SDK1: variants seen among roughly 807,000 people sequenced by gnomAD.
The protein encoded by SDK1 is protein sidekick-1.
A neutral mutation model predicts 245.5 loss-of-function variants in SDK1; 157 were observed. The ratio of observed to expected loss-of-function variants is 0.64; its 90% CI spans 0.56 to 0.73. The LOEUF (loss-of-function observed/expected upper bound fraction) is 0.73. Ranked by LOEUF, SDK1 falls within the 30% of genes least tolerant of loss-of-function variation. SDK1 has a pLI of 0.00. For missense variants in SDK1, 3,583 were observed against 3,002.3 expected, an observed-to-expected ratio of 1.19 and a Z score of -4.52; for synonymous variants, 1,647 against 1,278.5, an observed-to-expected ratio of 1.29 and a Z score of -6.15.
At chr7:3,759,402 A>G (rs966426551) in intron 4 of SDK1, among the ~76,000 whole-genome samples, 1 of 152,140 alleles carries the variant, frequency 6.6e-6, no homozygotes, top group African/African-American at 2.4e-5. Context: ...GCCATGTCCT[A>G]TAAGAAAAAA....
chr7:4,145,999 C>G (rs1779947909), intron 29 of SDK1, 83 bp downstream of exon 29: 16 of 1,269,952 alleles, frequency 1.3e-5, no homozygotes, highest in Non-Finnish European at 1.7e-5. Flanking sequence ...CTGCGGGGTA[C>G]CTGGGAGGCT....
chr7:4,145,555 C>G (rs1175679494), intron 28 of SDK1, among the ~76,000 whole-genome samples, 167 bp from the exon 29 acceptor site: 1 of 152,120 alleles, frequency 6.6e-6, no homozygotes, highest in South Asian at 2.1e-4. Flanking sequence ...GGGGCCCCAC[C>G]ATTCATCACA....
chr7:3,821,532 G>C lies in SDK1; in HGVS notation c.796G>C (p.Glu266Gln), dbSNP rs1327831838. 6.2e-7 allele frequency: 1 copy of C among 1,613,638 alleles called. No individual in the cohort carries two copies. Among genetic ancestry groups the C allele is most frequent in the Non-Finnish European group, 8.5e-7 (1 of 1,179,838 alleles). The change falls in exon 5 of 45, where the codon GAG becomes CAG. Residue 266 changes from glutamate to glutamine, a missense_variant. Glu to Gln is a conservative substitution (Grantham distance 29, BLOSUM62 2). Coordinates refer to ENST00000404826, the MANE Select transcript of SDK1 (RefSeq NM_152744.4). Reference sequence around the variant, plus strand: ...GGCATACTACGTGCAGGCCGTGAATGAGAAAAATGGAGAAAACAAGACAAG... The same window carrying C: ...GGCATACTACGTGCAGGCCGTGAATCAGAAAAATGGAGAAAACAAGACAAG... ...AGAYYVQAVN[E>Q]KNGENKTSPF...
At chr7:3,302,031 T>TC in intron 1 of SDK1, 147 bp downstream of exon 1, 1 of 487,584 alleles carries the variant, frequency 2.1e-6, no homozygotes, top group Non-Finnish European at 2.8e-6. Context: ...GCCCAGGGGC[T>TC]CCTCCACGCC....
chr7:3,878,869 C>G (rs1021738600), intron 5 of SDK1, among the ~76,000 whole-genome samples: 3 of 152,028 alleles, frequency 2.0e-5, no homozygotes, highest in African/African-American at 7.3e-5. Context: ...CATGCATACA[C>G]AAAAGTATAC....
intron 4 of SDK1, among the ~76,000 whole-genome samples, chr7:3,663,287 A>T (rs980886519): frequency 2.0e-5 from 3 of 152,200 alleles, no homozygotes; most frequent in Non-Finnish European, 4.4e-5. Context: ...ATGAACATCC[A>T]TGTTTTTGTT....
chr7:4,162,214 A>C (rs1429483746), intron 32 of SDK1, among the ~76,000 whole-genome samples: 1 of 152,000 alleles, frequency 6.6e-6, no homozygotes, highest in African/African-American at 2.4e-5. Flanking sequence ...TGTATACACA[A>C]ATTGGTTATC....
At chr7:3,733,494 G>A (rs1008610978) in intron 4 of SDK1, among the ~76,000 whole-genome samples, 3 of 152,152 alleles carry the variant, frequency 2.0e-5, no homozygotes, top group Admixed American at 6.5e-5. Flanking sequence ...GTTACAAGTT[G>A]CCCTGCTCTG....
At chr7:3,656,232 T>C (rs190472609) in intron 4 of SDK1, among the ~76,000 whole-genome samples, 20 of 152,332 alleles carry the variant, frequency 1.3e-4, no homozygotes, top group Admixed American at 1.3e-3. Context: ...CCATTTGTAA[T>C]GTCCTTGGGA....
intron 35 of SDK1, among the ~76,000 whole-genome samples, chr7:4,182,889 G>A (rs191785218): frequency 6.6e-6 from 1 of 152,338 alleles, no homozygotes; most frequent in Admixed American, 6.5e-5. Context: ...GGCTCCTCCT[G>A]CCTGCAGCAC....
In SDK1 at chr7:4,138,286, C is replaced by T. The variant is rs571327735; in HGVS notation, c.4228+5863C>T. The stretch of plus-strand genomic sequence containing the variant: ...CCCACTGCAAACTCCCCCCTTCCTA[C>T]TTGGGTCCAGCGGCACTGCCACGCA... On this transcript the variant is annotated intron_variant, in intron 28 of 44. Coordinates refer to ENST00000404826, the MANE Select transcript of SDK1 (RefSeq NM_152744.4). Among the ~76,000 whole-genome samples, 14 of 152,310 alleles carry T rather than the reference C, an allele frequency of 9.2e-5. No homozygotes were observed. In the South Asian group the frequency reaches 2.9e-3, roughly 32 times the overall value.
At chr7:3,911,982 A>C (rs1395012947) in intron 5 of SDK1, among the ~76,000 whole-genome samples, 3 of 152,048 alleles carry the variant, frequency 2.0e-5, no homozygotes, top group Admixed American at 2.0e-4. Flanking sequence ...AGGGCATTCT[A>C]GGGAAGGGGC....
intron 20 of SDK1, among the ~76,000 whole-genome samples, chr7:4,070,779 A>T (rs905498863): frequency 6.7e-6 from 1 of 150,288 alleles, no homozygotes; most frequent in African/African-American, 2.5e-5. Context: ...GCACAATCTC[A>T]GCTCACTGCA....
At chr7:3,601,218 G>T (rs1781243461) in intron 1 of SDK1, among the ~76,000 whole-genome samples, 1 of 152,118 alleles carries the variant, frequency 6.6e-6, no homozygotes, top group Admixed American at 6.5e-5. Context: ...TATCAAGGTA[G>T]TAATAGTCTT....
chr7:3,990,395 G>A (rs968581053), intron 14 of SDK1, among the ~76,000 whole-genome samples: 19 of 152,248 alleles, frequency 1.2e-4, no homozygotes, highest in South Asian at 2.1e-4. Context: ...AGAAACCAGC[G>A]TGTGTGCAGA....
intron 4 of SDK1, among the ~76,000 whole-genome samples, chr7:3,763,259 A>G (rs959845050): frequency 6.6e-6 from 1 of 152,022 alleles, no homozygotes; most frequent in Non-Finnish European, 1.5e-5. Flanking sequence ...TTAATATTTC[A>G]GTTTTTAAAA....
chr7:4,262,018 C>CTTTTTT lies in SDK1; in HGVS notation c.6382-3082_6382-3077dup, dbSNP rs34610558. 6.3e-3 allele frequency among the ~76,000 whole-genome samples: 372 copies of CTTTTTT among 59,266 alleles called. 61 individuals carry two copies. Among genetic ancestry groups the CTTTTTT allele is most frequent in the South Asian group, 8.1e-3 (13 of 1,608 alleles). The allele number at this position is 59,266 out of a possible 152,430, so 38.9% of individuals were successfully genotyped here. A position where few individuals can be genotyped will look rare whatever the true frequency, so the allele number is the denominator to read the frequency against. The stretch of plus-strand genomic sequence containing the variant: ...AATCAATTTCACCCTCTGCTTTCTC[C>CTTTTTT]TTTTTTTTTTTTTTTTTTTTTTTTT... On this transcript the variant is annotated intron_variant, in intron 44 of 44. Transcript: ENST00000404826.
chr7:3,488,904 C>CGTGTGTGTGT (rs59773114), intron 1 of SDK1, among the ~76,000 whole-genome samples: 3 of 147,118 alleles, frequency 2.0e-5, no homozygotes, highest in Non-Finnish European at 3.0e-5. Context: ...TTCCTCCCTC[C>CGTGTGTGTGT]GTGTGTGTGT....
At chr7:3,898,021 C>G (rs998796309) in intron 5 of SDK1, among the ~76,000 whole-genome samples, 19 of 152,078 alleles carry the variant, frequency 1.2e-4, no homozygotes, top group African/African-American at 4.6e-4. Flanking sequence ...AGGAAGCCGC[C>G]GTGTGCACAC....
Sources: allele counts gnomAD v4.1 joint callset (sites outside exome capture counted in the v4.1 genomes callset), GRCh38; gene constraint gnomAD v4.1.1; transcripts MANE v1.5; gene names NCBI Gene and HGNC (gene_info 2026-07-23, HGNC 2026-07-21).